Variants in TXNRD3 observed in about 807,000 individuals in gnomAD.
The protein encoded by TXNRD3 is thioredoxin reductase 3, also known as TXNRD3 neighbor gene protein.
Under a neutral mutation model 78.2 loss-of-function variants are expected in TXNRD3, and 68 were observed. The ratio of observed to expected loss-of-function variants is 0.87; its 90% CI spans 0.72 to 1.06. The LOEUF is 1.06. Among genes scored for constraint, TXNRD3 ranks in the 50% least tolerant of loss-of-function variants. TXNRD3 has a pLI of 0.00. For missense variants in TXNRD3, 751 were observed against 809.5 expected, an observed-to-expected ratio of 0.93 and a Z score of 0.88; for synonymous variants, 296 against 300.1, an observed-to-expected ratio of 0.99 and a Z score of 0.14.
intron 6 of TXNRD3, among the ~76,000 whole-genome samples, chr3:126,638,737 CA>C (rs1201080089): frequency 6.6e-6 from 1 of 150,612 alleles, no homozygotes; most frequent in African/African-American, 2.4e-5. Context: ...TCCTCTGTCT[CA>C]AAAAAAAGAA....
chr3:126,641,677 T>C (rs1385803769), intron 6 of TXNRD3, among the ~76,000 whole-genome samples: 2 of 152,234 alleles, frequency 1.3e-5, no homozygotes, highest in South Asian at 4.1e-4. Flanking sequence ...ACCAAAGATA[T>C]ATATAACCAC....
At chr3:126,618,682 C>A (rs1467784818) in intron 12 of TXNRD3, among the ~76,000 whole-genome samples, 5 of 151,828 alleles carry the variant, frequency 3.3e-5, no homozygotes, top group African/African-American at 1.2e-4. Flanking sequence ...ACCTCAAAAA[C>A]ACAGGCAACA....
chr3:126,616,269 G>A (rs1938318224), intron 12 of TXNRD3, among the ~76,000 whole-genome samples: 1 of 152,140 alleles, frequency 6.6e-6, no homozygotes, highest in East Asian at 1.9e-4. Flanking sequence ...GAGAAAAGGT[G>A]GAAGGTGCCT....
In TXNRD3 at chr3:126,654,775, G is replaced by A. The variant is rs1334631195; in HGVS notation, c.216C>T (p.Ser72=). 56 of 1,427,150 alleles carry A rather than the reference G, an allele frequency of 3.9e-5. No homozygotes were observed. Among genetic ancestry groups the A allele is most frequent in the Middle Eastern group, 1.9e-4 (1 of 5,224 alleles). The allele number at this position is 1,427,150 out of a possible 1,614,324, so 88.4% of individuals were successfully genotyped here. The change falls in exon 1 of 16, where the codon AGC becomes AGT. Residue 72 remains serine, a synonymous_variant. Coordinates refer to ENST00000524230, the MANE Select transcript of TXNRD3 (RefSeq NM_052883.3). Reference sequence around the variant, plus strand: ...GAGTACTATGGGGACAGTAGCTCTTGCTGAAGATCACCACCCGGCTGCGCT... The same window carrying A: ...GAGTACTATGGGGACAGTAGCTCTTACTGAAGATCACCACCCGGCTGCGCT...
At chr3:126,633,421 T>C (rs1938772662) in intron 7 of TXNRD3, among the ~76,000 whole-genome samples, 1 of 152,164 alleles carries the variant, frequency 6.6e-6, no homozygotes, top group African/African-American at 2.4e-5. Flanking sequence ...TTAAACTGTT[T>C]GTGTTCCTCA....
At chr3:126,653,446 G>A (rs1933436604) in intron 1 of TXNRD3, among the ~76,000 whole-genome samples, 1 of 152,222 alleles carries the variant, frequency 6.6e-6, no homozygotes, top group Admixed American at 6.5e-5. Flanking sequence ...AGAAGAGGAA[G>A]CTCAAATGAT....
chr3:126,633,956 C>T lies in TXNRD3; in HGVS notation c.808G>A (p.Ala270Thr). ...AATTCTCCATAGGAATTGACATAGG[C>T]CACAGCCTTTTCCCTCAGAGACAAC... Residue 270 changes from alanine (A) to threonine (T), a missense_variant, in exon 7 of 16, where the codon GCC (alanine) becomes ACC (threonine). Ala to Thr is a moderately conservative substitution (Grantham distance 58). Coordinates refer to ENST00000524230, the MANE Select transcript of TXNRD3 (RefSeq NM_052883.3). 1.3e-6 allele frequency: 2 copies of T among 1,520,810 alleles called. No individual in the cohort carries two copies. The highest frequency in any genetic ancestry group is 1.8e-6 in the Non-Finnish European group (2 of 1,138,054). The allele number at this position is 1,520,810 out of a possible 1,614,324, so 94.2% of individuals were successfully genotyped here. A position where few individuals can be genotyped will look rare whatever the true frequency, so the allele number is the denominator to read the frequency against.
intron 13 of TXNRD3, among the ~76,000 whole-genome samples, chr3:126,614,730 T>C (rs773927061): frequency 2.0e-5 from 3 of 152,186 alleles, no homozygotes; most frequent in Non-Finnish European, 2.9e-5. Flanking sequence ...CAATAATAAA[T>C]TAAATCATAC....
intron 12 of TXNRD3, among the ~76,000 whole-genome samples, chr3:126,619,586 G>A (rs956348054): frequency 1.3e-5 from 2 of 152,138 alleles, no homozygotes; most frequent in Non-Finnish European, 2.9e-5. Context: ...GATGGGGAGA[G>A]GTTGGTTAAT....
chr3:126,626,520 G>T (rs762574346), intron 10 of TXNRD3, among the ~76,000 whole-genome samples: 11 of 152,254 alleles, frequency 7.2e-5, no homozygotes, highest in Admixed American at 2.0e-4. Flanking sequence ...TACATGAATG[G>T]CCAATAAACA....
chr3:126,636,547 C>A (rs1938866358), intron 6 of TXNRD3, among the ~76,000 whole-genome samples: 1 of 152,154 alleles, frequency 6.6e-6, no homozygotes, highest in Non-Finnish European at 1.5e-5. Context: ...GCCCTCAGAG[C>A]TGAAATCCTG....
intron 6 of TXNRD3, among the ~76,000 whole-genome samples, chr3:126,636,448 A>G (rs1375096155): frequency 2.6e-5 from 4 of 152,312 alleles, no homozygotes; most frequent in East Asian, 3.9e-4. Flanking sequence ...TTCTTCTCCA[A>G]TAAGTATTGC....
Position 126,607,831 on chromosome 3 carries a change from C to T in TXNRD3, c.*74G>A, listed in dbSNP as rs1938084180. 1 of 1,292,748 alleles carries T rather than the reference C, an allele frequency of 7.7e-7. No individual in the cohort carries two copies. The highest frequency in any genetic ancestry group is 1.1e-6 in the Non-Finnish European group (1 of 945,992). The allele number at this position is 1,292,748 out of a possible 1,614,324, so 80.1% of individuals were successfully genotyped here. ...ACAGAGCAGCTGTCATGAGCACAGG[C>T]TCATTTTATCCGAGAGCATTCTTAT... is the stretch of plus-strand genomic sequence containing the variant. On this transcript the variant is annotated 3_prime_UTR_variant, in exon 16 of 16. Coordinates refer to ENST00000524230, the MANE Select transcript of TXNRD3 (RefSeq NM_052883.3).
chr3:126,650,642 G>GAAA (rs879891867), intron 1 of TXNRD3, among the ~76,000 whole-genome samples: 5 of 139,330 alleles, frequency 3.6e-5, no homozygotes, highest in South Asian at 2.3e-4. Flanking sequence ...CCCCATCTCA[G>GAAA]AAAAAAAAAA....
Position 126,647,314 on chromosome 3 carries a change from C to A in TXNRD3, c.244-18G>T. On this transcript the variant is annotated intron_variant, in intron 1 of 15. Coordinates refer to ENST00000524230, the MANE Select transcript of TXNRD3 (RefSeq NM_052883.3). ...TCTTTCACCTGTAAAAAAAATTTAG[C>A]TAAGTTTCACTCTCAGAAAAGATTC... 1.3e-6 allele frequency: 2 copies of A among 1,511,494 alleles called. No individual in the cohort carries two copies. Among genetic ancestry groups the A allele is most frequent in the Non-Finnish European group, 1.8e-6 (2 of 1,125,482 alleles). The allele number at this position is 1,511,494 out of a possible 1,614,324, so 93.6% of individuals were successfully genotyped here. A position where few individuals can be genotyped will look rare whatever the true frequency, so the allele number is the denominator to read the frequency against.
At chr3:126,630,290 C>T (rs187230951) in intron 9 of TXNRD3, among the ~76,000 whole-genome samples, 19 of 152,186 alleles carry the variant, frequency 1.2e-4, no homozygotes, top group East Asian at 1.9e-4. Context: ...GTCAGCTAAG[C>T]GTGAAATGGA....
Position 126,655,112 on chromosome 3 carries a change from C to A in TXNRD3, c.-122G>T. ...GCCCTCGCTGGCCACTCTCACCACC[C>A]GCGCGAATCCGCGAGGCAGCCGCTC... is the stretch of plus-strand genomic sequence containing the variant. On this transcript the variant is annotated 5_prime_UTR_variant, in exon 1 of 16. Coordinates refer to ENST00000524230, the MANE Select transcript of TXNRD3 (RefSeq NM_052883.3). 1 of 1,292,854 alleles carries A rather than the reference C, an allele frequency of 7.7e-7. No homozygotes were observed. The highest frequency in any genetic ancestry group is 9.8e-7 in the Non-Finnish European group (1 of 1,018,654). The allele number at this position is 1,292,854 out of a possible 1,614,324, so 80.1% of individuals were successfully genotyped here.
rs73859552 is a variant in TXNRD3, at chr3:126,614,210, C to T, written c.1632+1145G>A. On this transcript the variant is annotated intron_variant, in intron 13 of 15. Coordinates refer to ENST00000524230, the MANE Select transcript of TXNRD3 (RefSeq NM_052883.3). ...CTATAATAGGAACTTTAAAAAAATA[C>T]TAACAGATCACATTTTCAGTCCTGT... Among the ~76,000 whole-genome samples, 750 of 152,206 alleles carry T rather than the reference C, an allele frequency of 4.9e-3. 5 individuals carry two copies. Among genetic ancestry groups the T allele is most frequent in the African/African-American group, 0.017 (702 of 41,514 alleles).
intron 3 of TXNRD3, among the ~76,000 whole-genome samples, chr3:126,644,725 G>A (rs1428824076): frequency 6.6e-6 from 1 of 152,194 alleles, no homozygotes; most frequent in Non-Finnish European, 1.5e-5. Context: ...AAATATTATA[G>A]TCAAGTGCAG....
Sources: allele counts gnomAD v4.1 joint callset (sites outside exome capture counted in the v4.1 genomes callset), GRCh38; gene constraint gnomAD v4.1.1; transcripts MANE v1.5; gene names NCBI Gene and HGNC (gene_info 2026-07-23, HGNC 2026-07-21).